Variants in TAL1 observed in about 807,000 individuals in gnomAD.
TAL1 encodes T-cell acute lymphocytic leukemia protein 1.
In TAL1, 8 loss-of-function variants were observed where a neutral mutation model predicts 17.9. The observed-to-expected ratio is 0.45, with a 90% confidence interval of 0.26 to 0.81. TAL1 has a LOEUF of 0.81. Among genes scored for constraint, TAL1 ranks in the 30% least tolerant of loss-of-function variants. The pLI, the probability that TAL1 is intolerant of heterozygous loss-of-function variation, is 0.17. For missense variants in TAL1, 466 were observed against 486.9 expected (o/e 0.96, Z 0.40); for synonymous variants, 223 against 218.6 (o/e 1.02, Z -0.18).
chr1:47,222,734 T>C (rs1433012265), intron 3 of TAL1, among the ~76,000 whole-genome samples: 1 of 152,094 alleles, frequency 6.6e-6, no homozygotes, highest in East Asian at 1.9e-4. Context: ...CCTGGTGTCC[T>C]CTGCCTCTCT....
At chr1:47,219,025 T>G in exon 4 of TAL1, 1 of 308,548 alleles carries the variant, frequency 3.2e-6, no homozygotes, top group Admixed American at 4.5e-5. Flanking sequence ...GCCACAGGCT[T>G]AGGAAGGCAA....
chr1:47,218,628 G>A (rs927873129), exon 4 of TAL1: 5 of 232,806 alleles, frequency 2.1e-5, no homozygotes, highest in African/African-American at 8.8e-5. Context: ...TAGAAGTGAG[G>A]CTGGATCCTG....
upstream of TAL1, chr1:47,231,139 G>T (rs1245897117): frequency 1.2e-5 from 2 of 172,094 alleles, no homozygotes; most frequent in Non-Finnish European, 2.5e-5. Context: ...TCAGCTTCAA[G>T]CCTGGAGGAG....
exon 4 of TAL1, chr1:47,220,154 G>A (rs772071010): frequency 1.9e-6 from 3 of 1,577,270 alleles, no homozygotes; most frequent in Non-Finnish European, 1.7e-6. Context: ...AAGATACGCC[G>A]CACAACTTTG....
intron 3 of TAL1, chr1:47,223,610 G>A (rs1643866405): frequency 1.2e-5 from 2 of 166,532 alleles, no homozygotes; most frequent in African/African-American, 2.4e-5. Flanking sequence ...GAATCCCTGA[G>A]GGTCAGTGCC....
intron 1 of TAL1, among the ~76,000 whole-genome samples, chr1:47,226,895 G>A (rs1643920913): frequency 6.6e-6 from 1 of 152,210 alleles, no homozygotes; most frequent in African/African-American, 2.4e-5. Context: ...TCCTGCCTTG[G>A]TGTTCTTTGG....
exon 4 of TAL1, chr1:47,219,570 G>C (rs1175811131): frequency 3.8e-6 from 5 of 1,309,388 alleles, no homozygotes; most frequent in Non-Finnish European, 5.3e-6. Context: ...CCCAGGGTCA[G>C]TAAAGGCTTC....
upstream of TAL1, among the ~76,000 whole-genome samples, chr1:47,231,998 G>A (rs1003942497): frequency 2.0e-5 from 3 of 152,128 alleles, no homozygotes; most frequent in Admixed American, 6.5e-5. Context: ...GGGCGGGGGC[G>A]TCCGTGGAAA....
chr1:47,224,224 T>G (rs1202649387), intron 2 of TAL1, 126 bp from the exon 4 acceptor site: 6 of 757,370 alleles, frequency 7.9e-6, no homozygotes, highest in Non-Finnish European at 1.3e-5. Flanking sequence ...CCTTCACACT[T>G]GAGCTGGGAA....
chr1:47,231,785 C>G (rs1037781639), upstream of TAL1: 10 of 233,738 alleles, frequency 4.3e-5, no homozygotes, highest in Admixed American at 5.1e-4. Context: ...GGACACAGAG[C>G]CTGTCGCCAA....
rs890079183 is a variant in TAL1, at chr1:47,225,506, G to A, written c.383C>T (p.Ala128Val). 4.0e-6 allele frequency: 5 copies of A among 1,235,332 alleles called. No homozygotes were observed. The East Asian group carries it at 1.3e-4, about 31-fold the overall frequency. 76.5% of individuals were successfully genotyped at this position (1,235,332 alleles called of 1,614,324 possible). The change falls in exon 2 of 4, where the codon GCC (alanine) becomes GTC (valine). Residue 128 changes from alanine (A) to valine (V), a missense_variant. Transcript: ENST00000294339. ...CAGCGCGCGGCCGGGGGCGGCGGGG[G>A]CAGCCAGCGCGGGAGGACTCAGCTG...
chr1:47,225,485 G>A, exon 2 of TAL1: 1 of 1,235,352 alleles, frequency 8.1e-7, no homozygotes, highest in Non-Finnish European at 1.0e-6. Flanking sequence ...GTAGAGCAGC[G>A]CGCGGCCGGG....
exon 4 of TAL1, chr1:47,216,635 T>A: frequency 4.3e-6 from 1 of 232,056 alleles, no homozygotes; most frequent in Non-Finnish European, 8.5e-6. Context: ...CCGAAATAGT[T>A]GTCGGCTGAC....
At chr1:47,218,173 C>T (rs977027770) in exon 4 of TAL1, 1 of 237,818 alleles carries the variant, frequency 4.2e-6, no homozygotes, top group African/African-American at 2.2e-5. Flanking sequence ...TCTCCTCTGA[C>T]CTCGAAGGCA....
chr1:47,230,298 TTTTG>T (rs1643988390), upstream of TAL1: 4 of 152,242 alleles, frequency 2.6e-5, no homozygotes, highest in African/African-American at 7.2e-5. Flanking sequence ...TCCTAGTGGA[TTTTG>T]TTTAATTTGT....
At chr1:47,217,214 T>C in exon 4 of TAL1, 2 of 236,204 alleles carry the variant, frequency 8.5e-6, no homozygotes, top group Non-Finnish European at 1.6e-5. Flanking sequence ...ACTCCATCTC[T>C]ACCAAAAAAA....
Position 47,217,687 on chromosome 1 carries a change from G to A in TAL1, c.*2033C>T, listed in dbSNP as rs991949433. ...CACATGGCAAGTCTGAAAGAAGAGG[G>A]AGCCAGAAGTTTGAGTTCTTAATAA... is the stretch of plus-strand genomic sequence containing the variant. On this transcript the variant is annotated 3_prime_UTR_variant, in exon 4 of 4. Transcript: ENST00000294339. 129 of 398,620 alleles carry A rather than the reference G, an allele frequency of 3.2e-4. No individual in the cohort carries two copies. In the East Asian group the frequency reaches 4.6e-3, roughly 14 times the overall value. The allele number at this position is 398,620 out of a possible 1,614,324, so 24.7% of individuals were successfully genotyped here. A position where few individuals can be genotyped will look rare whatever the true frequency, so the allele number is the denominator to read the frequency against.
chr1:47,232,253 C>CCCCCGCCCG, upstream of TAL1: 1 of 166,280 alleles, frequency 6.0e-6, no homozygotes, highest in Non-Finnish European at 1.3e-5. Context: ...GGCCCCCGCT[C>CCCCCGCCCG]CCCCGCCCGC....
At chr1:47,217,899 C>A (rs1397801754) in exon 4 of TAL1, 5 of 397,300 alleles carry the variant, frequency 1.3e-5, no homozygotes, top group African/African-American at 2.1e-5. Context: ...CTAATTTTCA[C>A]CAAAACATGA....
Sources: gnomAD v4.1 joint callset for allele counts (sites outside exome capture counted in the v4.1 genomes callset) on GRCh38, gnomAD v4.1.1 for gene constraint, MANE v1.5 for transcripts, NCBI Gene and HGNC (gene_info 2026-07-23, HGNC 2026-07-21) for gene names.